The following PWWP2A variants were observed in gnomAD, a reference collection of about 807,000 sequenced individuals.
PWWP2A encodes the protein PWWP domain containing 2A, also known as PWWP domain-containing protein 2A.
Under a neutral mutation model 48.5 loss-of-function variants are expected in PWWP2A, and 18 were observed. The observed-to-expected ratio is 0.37, with a 90% CI of 0.26 to 0.55. The LOEUF (loss-of-function observed/expected upper bound fraction) is 0.55. PWWP2A is among the 20% of genes least tolerant of loss of function. PWWP2A has a pLI of 0.81. For synonymous variants in PWWP2A, 396 were observed against 387.7 expected (o/e 1.02, Z -0.25); for missense variants, 867 against 976.4 (o/e 0.89, Z 1.49).
At chr5:160,117,063 GACA>G (rs1360453055) in intron 1 of PWWP2A, among the ~76,000 whole-genome samples, 3 of 152,098 alleles carry the variant, frequency 2.0e-5, no homozygotes, top group African/African-American at 7.2e-5. Flanking sequence ...CTGCAGCCTG[GACA>G]ACAAGAGCGA....
the PWWP2A span, among the ~76,000 whole-genome samples, chr5:160,048,866 G>A: frequency 2.0e-5 from 3 of 152,048 alleles, no homozygotes; most frequent in Non-Finnish European, 4.4e-5. Flanking sequence ...TAGGAGAATC[G>A]CTTGAACCTG....
chr5:160,096,968 C>T (rs1755717677), intron 1 of PWWP2A, among the ~76,000 whole-genome samples: 2 of 152,172 alleles, frequency 1.3e-5, no homozygotes, highest in South Asian at 4.1e-4. Flanking sequence ...GGTGAATACG[C>T]GGCAGCCATT....
the PWWP2A span, among the ~76,000 whole-genome samples, chr5:160,053,405 AC>A: frequency 1.3e-5 from 2 of 151,926 alleles, no homozygotes; most frequent in Non-Finnish European, 2.9e-5. Context: ...AAATCCTGTC[AC>A]TAAAAAAATT....
At chr5:160,108,645 T>C in intron 1 of PWWP2A, 1 of 1,200,682 alleles carries the variant, frequency 8.3e-7, no homozygotes, top group Non-Finnish European at 1.1e-6. Flanking sequence ...TGTCTTGGTT[T>C]ATATTTCCTC....
At chr5:160,117,521 G>A (rs1365544847) in intron 1 of PWWP2A, among the ~76,000 whole-genome samples, 1 of 152,142 alleles carries the variant, frequency 6.6e-6, no homozygotes, top group Non-Finnish European at 1.5e-5. Flanking sequence ...GACCAGCATG[G>A]TGGCGCACGC....
chr5:160,118,368 A>G (rs1446872598), intron 1 of PWWP2A, among the ~76,000 whole-genome samples: 1 of 152,066 alleles, frequency 6.6e-6, no homozygotes, highest in East Asian at 1.9e-4. Context: ...CAATCCCGCT[A>G]AAGTTAAACG....
At chr5:160,113,807 T>C (rs1187100359) in intron 1 of PWWP2A, among the ~76,000 whole-genome samples, 1 of 152,246 alleles carries the variant, frequency 6.6e-6, no homozygotes. Flanking sequence ...AATACGCAAC[T>C]TTCAGAAACA....
At chr5:160,118,618 G>C (rs1281671908) in intron 1 of PWWP2A, among the ~76,000 whole-genome samples, 187 bp downstream of exon 1, 1 of 147,530 alleles carries the variant, frequency 6.8e-6, no homozygotes, top group Admixed American at 6.8e-5. Context: ...CCCACCTGGG[G>C]CCGGGACCGC....
intron 1 of PWWP2A, among the ~76,000 whole-genome samples, chr5:160,103,839 T>C (rs12520657): frequency 0.022 from 3,383 of 152,214 alleles, 46 homozygotes; most frequent in Middle Eastern, 0.051. Context: ...ATAAGAAGGC[T>C]GGCTGGGAGC....
At position 160,067,360 on chromosome 5, in the gene PWWP2A, T is replaced by C. The variant is rs566523313; in HGVS notation, c.*80-489A>G. Among the ~76,000 whole-genome samples, 13 of 152,278 alleles carry C rather than the reference T, an allele frequency of 8.5e-5. No individual in the cohort carries two copies. In the South Asian group the frequency reaches 1.0e-3, roughly 12 times the overall value. Reference sequence around the variant, plus strand: ...CTTGAAATGGTCTCCAGAACACCTATGGATCCTTGGACTACATTTTGAGAA... The same window carrying C: ...CTTGAAATGGTCTCCAGAACACCTACGGATCCTTGGACTACATTTTGAGAA... On this transcript the variant is annotated intron_variant and NMD_transcript_variant, in intron 2 of 5. Transcript: ENST00000524050.
downstream of PWWP2A, among the ~76,000 whole-genome samples, chr5:160,059,568 CTTAAAGGTCATTACAGGATTA>C (rs1431260677): frequency 6.6e-6 from 1 of 152,152 alleles, no homozygotes; most frequent in Non-Finnish European, 1.5e-5. Flanking sequence ...TACTTGAACA[CTTAAAGGTCATTACAGGATTA>C]TTAATTGACC....
At chr5:160,105,239 CAAA>C (rs70990704) in intron 1 of PWWP2A, among the ~76,000 whole-genome samples, 81 of 48,954 alleles carry the variant, frequency 1.7e-3, no homozygotes, top group African/African-American at 6.6e-3. Context: ...GTCTCTAAGG[CAAA>C]AAAAAAAAAA....
the PWWP2A span, among the ~76,000 whole-genome samples, chr5:160,047,927 C>T: frequency 1.3e-5 from 2 of 151,836 alleles, no homozygotes; most frequent in Non-Finnish European, 2.9e-5. Context: ...AATTATATAC[C>T]TGTCTGTTCT....
intron 1 of PWWP2A, chr5:160,117,706 C>G (rs1385145404): frequency 1.9e-5 from 3 of 158,794 alleles, no homozygotes; most frequent in Admixed American, 6.6e-5. Flanking sequence ...AATAACTGCT[C>G]TCATCTTTCC....
Position 160,080,625 on chromosome 5 carries a change from T to C in PWWP2A, c.1669+26A>G, listed in dbSNP as rs1434244968. 6.0e-6 allele frequency: 9 copies of C among 1,506,220 alleles called. No individual in the cohort carries two copies. In the East Asian group the frequency reaches 1.5e-4, roughly 25 times the overall value. 93.3% of individuals were successfully genotyped at this position (1,506,220 alleles called of 1,614,324 possible). On this transcript the variant is annotated intron_variant, in intron 3 of 3. Transcript: ENST00000456329. The stretch of plus-strand genomic sequence containing the variant: ...TGATGACATGATGCCCTCTTCACTT[T>C]GTGGCAGGGCTTAAAACAGACAGAC...
the PWWP2A span, among the ~76,000 whole-genome samples, chr5:160,047,959 G>A: frequency 6.6e-6 from 1 of 151,964 alleles, no homozygotes; most frequent in Admixed American, 6.6e-5. Context: ...ATAGCATAAG[G>A]CTTCATGAGA....
Position 160,063,945 on chromosome 5 carries a change from A to G in PWWP2A, c.*237-272T>C, listed in dbSNP as rs541509525. ...GCATGAGTCACCATGCTTGGCAAGA[A>G]CCGCTGGCTATAGACCATGACTTTT... On this transcript the variant is annotated intron_variant and NMD_transcript_variant, in intron 4 of 5. Coordinates refer to the PWWP2A transcript ENST00000524050. Among the ~76,000 whole-genome samples, 14 of 148,962 alleles carry G rather than the reference A, an allele frequency of 9.4e-5. 2 individuals are homozygous for G. The South Asian group carries it at 3.0e-3, about 32-fold the overall frequency.
chr5:160,080,763 G>A (rs1754170820), exon 3 of PWWP2A: 3 of 1,553,356 alleles, frequency 1.9e-6, no homozygotes, highest in South Asian at 2.4e-5. Flanking sequence ...GCTGCCATTT[G>A]TTGAGACCTA....
At position 160,078,964 on chromosome 5, in the gene PWWP2A, C is replaced by T. The variant is rs114611622; in HGVS notation, c.1670-796G>A. Reference sequence around the variant, plus strand: ...CAGAATGATCAACACTACTAACCTCCGTCTAATACTACGAAGTAGAAAGAA... The same window carrying T: ...CAGAATGATCAACACTACTAACCTCTGTCTAATACTACGAAGTAGAAAGAA... On this transcript the variant is annotated intron_variant, in intron 3 of 3. Coordinates refer to the PWWP2A transcript ENST00000456329. This position sits in a 1 kb window ranked among gnomAD's most constrained non-coding sequence, Gnocchi z 4.2. Among the ~76,000 whole-genome samples, 879 of 152,220 alleles carry T rather than the reference C, an allele frequency of 5.8e-3. 7 individuals are homozygous for T. Among genetic ancestry groups the T allele is most frequent in the African/African-American group, 0.02 (829 of 41,550 alleles).
Sources: allele counts gnomAD v4.1 joint callset (sites outside exome capture counted in the v4.1 genomes callset), GRCh38; gene constraint gnomAD v4.1.1; non-coding constraint Gnocchi (gnomAD v3.1); transcripts MANE v1.5; gene names NCBI Gene and HGNC (gene_info 2026-07-23, HGNC 2026-07-21).